TIAM1: variants seen among roughly 807,000 people sequenced by gnomAD.
TIAM1 encodes the protein TIAM Rac1 associated GEF 1.
TIAM1 carries 65 observed loss-of-function variants against 163.5 expected under a neutral mutation model. That is an observed-to-expected ratio of 0.40 (90% confidence interval 0.33 to 0.49). TIAM1 has a LOEUF of 0.49. TIAM1 is among the 20% of genes least tolerant of loss of function. The pLI, the probability that TIAM1 is intolerant of heterozygous loss-of-function variation, is 0.77. For missense variants in TIAM1, 1,789 were observed against 2,044.7 expected (o/e 0.87, Z 2.41); for synonymous variants, 833 against 810.1 (o/e 1.03, Z -0.48).
At chr21:31,522,464 C>G (rs1299219720) in intron 1 of TIAM1, among the ~76,000 whole-genome samples, 1 of 151,054 alleles carries the variant, frequency 6.6e-6, no homozygotes, top group Non-Finnish European at 1.5e-5. Context: ...GAGCCGAGAT[C>G]GCACCATTGC....
intron 1 of TIAM1, among the ~76,000 whole-genome samples, chr21:31,466,888 T>G (rs949112117): frequency 6.6e-6 from 1 of 152,072 alleles, no homozygotes; most frequent in African/African-American, 2.4e-5. Context: ...CCCTGTGATA[T>G]TGAGGCAGAT....
At chr21:31,531,175 C>T (rs1351038478) in intron 1 of TIAM1, among the ~76,000 whole-genome samples, 1 of 152,160 alleles carries the variant, frequency 6.6e-6, no homozygotes, top group Admixed American at 6.5e-5. Context: ...ACTGTTTACT[C>T]CCCCCTTCTC....
chr21:31,362,473 A>T (rs181491377), intron 2 of TIAM1, among the ~76,000 whole-genome samples: 2 of 148,460 alleles, frequency 1.3e-5, no homozygotes, highest in Admixed American at 1.3e-4. Flanking sequence ...TATTATTATT[A>T]TTATTATATT....
intron 2 of TIAM1, among the ~76,000 whole-genome samples, chr21:31,430,091 G>A (rs1364427012): frequency 6.6e-6 from 1 of 151,390 alleles, no homozygotes; most frequent in Non-Finnish European, 1.5e-5. Context: ...CCTGTAATCC[G>A]GCTACTCCGG....
intron 23 of TIAM1, among the ~76,000 whole-genome samples, chr21:31,131,840 A>C (rs879388878): frequency 6.6e-6 from 1 of 152,182 alleles, no homozygotes; most frequent in Non-Finnish European, 1.5e-5. Context: ...CATGAATGGG[A>C]TGAGTGTCCT....
At chr21:31,252,308 G>T in intron 4 of TIAM1, 119 bp from the exon 5 acceptor site, 1 of 1,078,754 alleles carries the variant, frequency 9.3e-7, no homozygotes, top group Non-Finnish European at 1.3e-6. Flanking sequence ...TACGCATAAG[G>T]CACAGCCACT....
intron 23 of TIAM1, 126 bp downstream of exon 23, chr21:31,135,807 A>G: frequency 1.3e-4 from 107 of 837,002 alleles, no homozygotes. Flanking sequence ...CTACGGCAGG[A>G]AGACCGATTC....
intron 2 of TIAM1, among the ~76,000 whole-genome samples, chr21:31,371,568 T>C (rs973024534): frequency 4.6e-5 from 7 of 152,220 alleles, no homozygotes; most frequent in African/African-American, 1.7e-4. Flanking sequence ...AGTATGATTA[T>C]GGAACAAGAG....
At chr21:31,135,597 T>C (rs1169633981) in intron 23 of TIAM1, among the ~76,000 whole-genome samples, 3 of 152,154 alleles carry the variant, frequency 2.0e-5, no homozygotes, top group Admixed American at 2.0e-4. Flanking sequence ...CACTTTATTT[T>C]TCCTTGGTTT....
intron 2 of TIAM1, among the ~76,000 whole-genome samples, chr21:31,423,680 T>G (rs1387826739): frequency 2.5e-5 from 3 of 119,098 alleles, no homozygotes; most frequent in Non-Finnish European, 4.9e-5. Context: ...TGTGAGATCA[T>G]TTGGCATCCT....
chr21:31,492,716 C>T (rs1424765407), intron 1 of TIAM1, among the ~76,000 whole-genome samples: 2 of 151,684 alleles, frequency 1.3e-5, no homozygotes, highest in African/African-American at 2.4e-5. Context: ...GTCATGGGCA[C>T]ACTGTTAATC....
At chr21:31,255,662 G>A (rs995219877) in intron 4 of TIAM1, among the ~76,000 whole-genome samples, 1 of 152,176 alleles carries the variant, frequency 6.6e-6, no homozygotes, top group Non-Finnish European at 1.5e-5. Flanking sequence ...TGCAAGGTAG[G>A]TTACCTCTTA....
At chr21:31,392,751 ATGAG>A in intron 2 of TIAM1, among the ~76,000 whole-genome samples, 1 of 152,034 alleles carries the variant, frequency 6.6e-6, no homozygotes, top group South Asian at 2.1e-4. Flanking sequence ...CCTTGCAGTC[ATGAG>A]TGAGTTCTTG....
intron 11 of TIAM1, among the ~76,000 whole-genome samples, chr21:31,207,140 A>G (rs1360009685): frequency 1.3e-5 from 2 of 152,220 alleles, no homozygotes; most frequent in Non-Finnish European, 2.9e-5. Context: ...AATATGTTGC[A>G]ATTATTTTTG....
intron 16 of TIAM1, among the ~76,000 whole-genome samples, chr21:31,162,496 A>G (rs1340765341): frequency 1.3e-5 from 2 of 152,250 alleles, no homozygotes; most frequent in African/African-American, 2.4e-5. Flanking sequence ...TCTGAATCAA[A>G]GCAAAACCAG....
intron 2 of TIAM1, among the ~76,000 whole-genome samples, chr21:31,437,225 T>A (rs527272327): frequency 1.3e-5 from 2 of 152,238 alleles, no homozygotes; most frequent in South Asian, 2.1e-4. Flanking sequence ...TTAAACATAC[T>A]CCCATGTCAC....
rs1461649214 is a variant in TIAM1 at position 31,550,954 on chromosome 21, T to C, written c.-422+7973A>G. Among the ~76,000 whole-genome samples the C allele has an allele frequency of 3.9e-5, 6 of 152,214 alleles. 1 individual carries two copies. The East Asian group carries it at 1.2e-3, about 29-fold the overall frequency. On this transcript the variant is annotated intron_variant, in intron 1 of 28. Coordinates refer to the TIAM1 transcript ENST00000286827. ...GGCCAGGCGCAGTGGCTCACGCCTGTAATCCCAGCACTTTGGGAGGCTTGG... is the reference window on the plus strand; with the variant it reads ...GGCCAGGCGCAGTGGCTCACGCCTGCAATCCCAGCACTTTGGGAGGCTTGG...
Position 31,482,579 on chromosome 21 carries a change from G to C in TIAM1, c.-421-18544C>G, listed in dbSNP as rs182523892. Among the ~76,000 whole-genome samples, 6 of 152,318 alleles carry C rather than the reference G, an allele frequency of 3.9e-5. No individual in the cohort carries two copies. In the East Asian group the frequency reaches 1.2e-3, roughly 29 times the overall value. On this transcript the variant is annotated intron_variant, in intron 1 of 28. Coordinates refer to the TIAM1 transcript ENST00000286827. ...ATTTTCTGGCTCTGAGGCAGTACCA[G>C]TTTGTTTTGTTTCTGTCTAGTGATG...
intron 2 of TIAM1, among the ~76,000 whole-genome samples, chr21:31,304,920 T>C (rs945354794): frequency 2.0e-5 from 3 of 152,188 alleles, no homozygotes; most frequent in African/African-American, 2.4e-5. Context: ...CTCAAACTCC[T>C]GACCTCAAAA....
Sources: gnomAD v4.1 joint callset for allele counts (sites outside exome capture counted in the v4.1 genomes callset) on GRCh38, gnomAD v4.1.1 for gene constraint, MANE v1.5 for transcripts, NCBI Gene and HGNC (gene_info 2026-07-23, HGNC 2026-07-21) for gene names.